STOX2: variants seen among roughly 807,000 people sequenced by gnomAD.
STOX2 encodes storkhead-box protein 2.
A neutral mutation model predicts 60.9 loss-of-function variants in STOX2; 28 were observed. That is an observed-to-expected ratio of 0.46 (90% confidence interval 0.34 to 0.63). The LOEUF (loss-of-function observed/expected upper bound fraction) is 0.63, where lower values mean the gene tolerates loss of function less well. STOX2 is among the 30% of genes least tolerant of loss of function. STOX2 has a pLI of 0.01. For missense variants in STOX2, 1,024 were observed against 1,187.7 expected, an observed-to-expected ratio of 0.86 and a Z score of 2.03; for synonymous variants, 472 against 463.9, an observed-to-expected ratio of 1.02 and a Z score of -0.22.
Position 184,010,508 on chromosome 4 carries a change from C to T in STOX2, c.1670C>T (p.Pro557Leu). ...SSTSYKEVCIPEIVSGSKEPS... is the reference protein window; with the variant it reads ...SSTSYKEVCILEIVSGSKEPS... ...ACAAGCTATAAAGAGGTGTGTATTC[C>T]AGAGATAGTCAGTGGCAGCAAGGAA... Residue 557 changes from proline (P) to leucine (L), a missense_variant, in exon 3 of 4, where the codon CCA becomes CTA. Transcript: ENST00000308497. This position sits in a 1 kb window ranked among gnomAD's most constrained non-coding sequence, Gnocchi z 4.5. 1 of 1,613,838 alleles carries T rather than the reference C, an allele frequency of 6.2e-7. No homozygotes were observed. The highest frequency in any genetic ancestry group is 8.5e-7 in the Non-Finnish European group (1 of 1,179,816).
At chr4:183,973,302 A>C (rs1363135860) in intron 1 of STOX2, among the ~76,000 whole-genome samples, 1 of 152,208 alleles carries the variant, frequency 6.6e-6, no homozygotes, top group East Asian at 1.9e-4. Flanking sequence ...TAAAGAGAGA[A>C]AAATATTGAA....
chr4:183,896,461 ACTC>A (rs1741342095), intron 1 of STOX2, among the ~76,000 whole-genome samples: 3 of 151,962 alleles, frequency 2.0e-5, no homozygotes, highest in Admixed American at 2.0e-4. Flanking sequence ...TCCTGCGCAG[ACTC>A]CCAAGTAGCT....
chr4:183,967,246 C>T (rs1743601196), intron 1 of STOX2, among the ~76,000 whole-genome samples: 1 of 152,090 alleles, frequency 6.6e-6, no homozygotes, highest in African/African-American at 2.4e-5. Context: ...CCTGTAATCC[C>T]AGCTACTCGG....
chr4:183,991,706 G>A (rs1733114799), intron 1 of STOX2, among the ~76,000 whole-genome samples: 1 of 152,080 alleles, frequency 6.6e-6, no homozygotes, highest in Non-Finnish European at 1.5e-5. Flanking sequence ...TTACAAGCAT[G>A]AGCCACCGCG....
At chr4:183,823,233 T>C (rs931173184) in intron 1 of STOX2, among the ~76,000 whole-genome samples, 3 of 152,054 alleles carry the variant, frequency 2.0e-5, no homozygotes, top group Non-Finnish European at 4.4e-5. Flanking sequence ...CCATCTCTCC[T>C]AAAAATACAA....
At chr4:183,844,334 C>G (rs1739938437) in intron 1 of STOX2, among the ~76,000 whole-genome samples, 1 of 152,144 alleles carries the variant, frequency 6.6e-6, no homozygotes, top group Admixed American at 6.5e-5. Context: ...CTTTAGGTTG[C>G]CTGACATTTG....
chr4:184,001,558 T>C lies in STOX2; in HGVS notation c.319+81T>C, dbSNP rs1294418957. On this transcript the variant is annotated intron_variant, in intron 2 of 3. Transcript: ENST00000308497. This position sits in a 1 kb window ranked among gnomAD's most constrained non-coding sequence, Gnocchi z 4.2. ...GGACTCACGTGGACTGTTCTGCCCA[T>C]GTTTAAAGAGAATAGGAAAACATTC... 2.2e-6 allele frequency: 3 copies of C among 1,360,422 alleles called. No homozygotes were observed. The Admixed American group carries it at 6.5e-5, about 29-fold the overall frequency. 84.3% of individuals were successfully genotyped at this position (1,360,422 alleles called of 1,614,324 possible).
intron 1 of STOX2, among the ~76,000 whole-genome samples, chr4:183,849,887 A>C (rs922048539): frequency 2.0e-5 from 3 of 152,126 alleles, no homozygotes; most frequent in Admixed American, 6.6e-5. Flanking sequence ...TTTCTGGTTG[A>C]TTCTTCTTTC....
chr4:183,938,015 G>C (rs779448451), intron 1 of STOX2, among the ~76,000 whole-genome samples: 1 of 152,056 alleles, frequency 6.6e-6, no homozygotes, highest in Non-Finnish European at 1.5e-5. Flanking sequence ...CAGATGTGGG[G>C]GTGTGTGCCT....
At chr4:183,800,911 C>T (rs762077985) in intron 1 of STOX2, among the ~76,000 whole-genome samples, 5 of 152,158 alleles carry the variant, frequency 3.3e-5, no homozygotes, top group African/African-American at 4.8e-5. Context: ...GGCTCACAGG[C>T]GGGGCGAGAC....
At chr4:184,004,991 T>C (rs931384266) in intron 2 of STOX2, among the ~76,000 whole-genome samples, 1 of 152,232 alleles carries the variant, frequency 6.6e-6, no homozygotes, top group Non-Finnish European at 1.5e-5. Context: ...CTGTGTTCTG[T>C]CTCCCATTCG....
intron 1 of STOX2, among the ~76,000 whole-genome samples, chr4:183,951,113 G>A (rs1743066761): frequency 6.6e-6 from 1 of 151,156 alleles, no homozygotes. Flanking sequence ...CTACTCGGGA[G>A]GCTGAGGCAG....
intron 1 of STOX2, among the ~76,000 whole-genome samples, chr4:183,882,651 A>G (rs1478005346): frequency 5.3e-5 from 8 of 152,242 alleles, no homozygotes. Flanking sequence ...AGGATTTACT[A>G]TGCCTGGGTT....
intron 1 of STOX2, among the ~76,000 whole-genome samples, chr4:183,874,740 C>A (rs1374034915): frequency 6.6e-6 from 1 of 150,416 alleles, no homozygotes; most frequent in Non-Finnish European, 1.5e-5. Context: ...TCCTGGCTAA[C>A]ACGGTGAAAC....
intron 1 of STOX2, among the ~76,000 whole-genome samples, chr4:183,845,399 A>G (rs904355993): frequency 1.3e-5 from 2 of 152,196 alleles, no homozygotes; most frequent in African/African-American, 4.8e-5. Flanking sequence ...TACCTTGAAG[A>G]TAGAATATAT....
intron 1 of STOX2, among the ~76,000 whole-genome samples, chr4:183,875,576 T>C (rs934857219): frequency 1.3e-5 from 2 of 152,228 alleles, no homozygotes; most frequent in Admixed American, 6.5e-5. Context: ...CCTCCTTTCA[T>C]GCAGCAGTAG....
chr4:184,016,803 C>G (rs1290964399), intron 3 of STOX2, among the ~76,000 whole-genome samples: 1 of 151,986 alleles, frequency 6.6e-6, no homozygotes, highest in Non-Finnish European at 1.5e-5. Flanking sequence ...ATTTTGAAGT[C>G]GTTTCGTTGA....
At position 183,986,240 on chromosome 4, in the gene STOX2, A is replaced by G. The variant is rs553712520; in HGVS notation, c.167-15085A>G. On this transcript the variant is annotated intron_variant, in intron 1 of 3. Transcript: ENST00000308497. ...GTATGTTTTCATCTGTATATGGCCT[A>G]TTAGGTCCTTATATGCTTCTGATCA... Among the ~76,000 whole-genome samples, 47 of 152,386 alleles carry G rather than the reference A, an allele frequency of 3.1e-4. 1 individual carries two copies. The South Asian group carries it at 6.2e-3, about 20-fold the overall frequency.
At chr4:183,898,860 GT>G (rs917569751) in intron 1 of STOX2, among the ~76,000 whole-genome samples, 33 of 152,162 alleles carry the variant, frequency 2.2e-4, no homozygotes, top group African/African-American at 8.0e-4. Context: ...AGAAAAATGT[GT>G]TTATGGGTAC....
Sources: gnomAD v4.1 joint callset for allele counts (sites outside exome capture counted in the v4.1 genomes callset) on GRCh38, gnomAD v4.1.1 for gene constraint, Gnocchi (gnomAD v3.1) non-coding constraint, MANE v1.5 for transcripts, NCBI Gene and HGNC (gene_info 2026-07-23, HGNC 2026-07-21) for gene names.